GRIN2B: variants seen among roughly 807,000 people sequenced by gnomAD.
The protein encoded by GRIN2B is glutamate ionotropic receptor NMDA type subunit 2B.
GRIN2B carries 5 observed loss-of-function variants against 114.5 expected under a neutral mutation model. The observed-to-expected ratio is 0.04, with a 90% CI of 0.02 to 0.09. The LOEUF is 0.09. Ranked by LOEUF, GRIN2B falls within the 10% of genes least tolerant of loss-of-function variation. The pLI, the probability that GRIN2B is intolerant of heterozygous loss-of-function variation, is 1.00. For synonymous variants in GRIN2B, 787 were observed against 745.1 expected (o/e 1.06, Z -0.92); for missense variants, 1,108 against 1,943.5 (o/e 0.57, Z 8.08).
rs536838974 is a variant in GRIN2B at position 13,590,581 on chromosome 12, AT to A, written c.2010+18021del. ...ATGTCCCTGCAAAGGACATGAACTC[AT>A]TTTTTTTATGGCTGCATAGTATTCC... On this transcript the variant is annotated intron_variant, in intron 10 of 13. Coordinates refer to ENST00000609686, the MANE Select transcript of GRIN2B (RefSeq NM_000834.5). Among the ~76,000 whole-genome samples the A allele has an allele frequency of 2.1e-4, 32 of 151,950 alleles. No homozygotes were observed. In the Middle Eastern group the frequency reaches 0.01, roughly 48 times the overall value.
chr12:13,804,418 A>T (rs1421306212), intron 3 of GRIN2B, among the ~76,000 whole-genome samples: 2 of 152,058 alleles, frequency 1.3e-5, no homozygotes, highest in African/African-American at 4.8e-5. Context: ...GTTCACTATG[A>T]TCAACCCCAT....
chr12:13,931,593 G>A (rs565726711), intron 2 of GRIN2B, among the ~76,000 whole-genome samples: 248 of 150,036 alleles, frequency 1.7e-3, no homozygotes, highest in Middle Eastern at 3.4e-3. Flanking sequence ...CAGCTCCCAA[G>A]CTGATATGTC....
intron 2 of GRIN2B, among the ~76,000 whole-genome samples, chr12:13,867,345 A>G (rs1297875135): frequency 6.6e-6 from 1 of 152,188 alleles, no homozygotes; most frequent in African/African-American, 2.4e-5. Flanking sequence ...GCTCTATAGA[A>G]TATAAGCCTT....
intron 3 of GRIN2B, among the ~76,000 whole-genome samples, chr12:13,766,905 G>T (rs1863801281): frequency 6.6e-6 from 1 of 152,064 alleles, no homozygotes; most frequent in Non-Finnish European, 1.5e-5. Flanking sequence ...TGATTTCAGC[G>T]TTCCTACCGT....
intron 3 of GRIN2B, among the ~76,000 whole-genome samples, chr12:13,804,158 T>TC (rs1491528847): frequency 5.5e-5 from 3 of 54,298 alleles, no homozygotes; most frequent in East Asian, 8.3e-4. Flanking sequence ...TGCAGCTCTC[T>TC]TTTTTTTTTT....
At chr12:13,953,341 C>T (rs219929) in intron 2 of GRIN2B, among the ~76,000 whole-genome samples, 148,214 of 152,204 alleles carry the variant, frequency 0.97, 72,288 homozygotes, top group East Asian at 1. Flanking sequence ...GGGGCTGGAC[C>T]CTCCACACCA....
intron 3 of GRIN2B, among the ~76,000 whole-genome samples, chr12:13,838,003 A>G (rs556911285): frequency 7.2e-4 from 109 of 152,296 alleles, no homozygotes; most frequent in African/African-American, 2.6e-3. Flanking sequence ...TTTGACTGCA[A>G]TTTTGCTTTT....
chr12:13,865,634 AAG>A (rs144378043), intron 3 of GRIN2B, among the ~76,000 whole-genome samples, 162 bp downstream of exon 3: 4,100 of 152,092 alleles, frequency 0.027, 76 homozygotes, highest in Middle Eastern at 0.065. Flanking sequence ...CTCTGTCTCA[AAG>A]AGAGAGAGAG....
chr12:13,848,008 C>T (rs576365716), intron 3 of GRIN2B, among the ~76,000 whole-genome samples: 24 of 152,210 alleles, frequency 1.6e-4, no homozygotes, highest in African/African-American at 5.3e-4. Context: ...CAGGTATGGA[C>T]AGTCCCCTGC....
At chr12:13,854,236 A>G (rs1333479064) in intron 3 of GRIN2B, among the ~76,000 whole-genome samples, 6 of 152,116 alleles carry the variant, frequency 3.9e-5, no homozygotes, top group Non-Finnish European at 8.8e-5. Context: ...AGCATGCCAG[A>G]AGCAGTGGCT....
intron 2 of GRIN2B, among the ~76,000 whole-genome samples, chr12:13,889,498 T>G (rs1161157855): frequency 3.9e-5 from 6 of 152,170 alleles, no homozygotes. Context: ...TTTTATAACC[T>G]TTACCTAATT....
At chr12:13,674,977 T>C (rs964493542) in intron 5 of GRIN2B, among the ~76,000 whole-genome samples, 2 of 152,120 alleles carry the variant, frequency 1.3e-5, no homozygotes, top group Admixed American at 6.5e-5. Flanking sequence ...CTGCAGAACA[T>C]ATTTGGAGAA....
intron 3 of GRIN2B, among the ~76,000 whole-genome samples, chr12:13,787,845 T>G (rs946495174): frequency 6.6e-6 from 1 of 152,208 alleles, no homozygotes; most frequent in Non-Finnish European, 1.5e-5. Flanking sequence ...TTCCAAAAAT[T>G]CATCCTTAAG....
At chr12:13,617,009 G>A (rs7298633) in intron 5 of GRIN2B, among the ~76,000 whole-genome samples, 146,200 of 152,298 alleles carry the variant, frequency 0.96, 70,434 homozygotes, top group East Asian at 1. Context: ...ATCTTGCAGC[G>A]CTGTGTAGTA....
chr12:13,898,298 T>C (rs1429574189), intron 2 of GRIN2B, among the ~76,000 whole-genome samples: 3 of 152,206 alleles, frequency 2.0e-5, no homozygotes, highest in East Asian at 1.9e-4. Context: ...ATGTCATTTA[T>C]TGAGTATTTA....
At position 13,563,806 on chromosome 12, in the gene GRIN2B, G is replaced by C. The variant is rs1399260360; in HGVS notation, c.3432C>G (p.Pro1144=). 6.2e-6 allele frequency: 10 copies of C among 1,614,104 alleles called. No individual in the cohort carries two copies. Among genetic ancestry groups the C allele is most frequent in the Non-Finnish European group, 8.5e-6 (10 of 1,180,012 alleles). Residue 1144 remains proline, a synonymous_variant, in exon 14 of 14, where the codon CCC becomes CCG. Coordinates refer to ENST00000609686, the MANE Select transcript of GRIN2B (RefSeq NM_000834.5). ...LDQFRTKENS[P]HWEHVDLTDI... ...CGGTCAGGTCTACGTGCTCCCAGTG[G>C]GGTGAGTTCTCCTTTGTTCGGAACT...
chr12:13,772,905 CA>C (rs1863932657), intron 3 of GRIN2B, among the ~76,000 whole-genome samples: 2 of 152,174 alleles, frequency 1.3e-5, no homozygotes, highest in South Asian at 4.1e-4. Context: ...TCTCATTTAA[CA>C]AAGTCTCAGC....
intron 2 of GRIN2B, among the ~76,000 whole-genome samples, chr12:13,948,347 C>A (rs1477632667): frequency 2.0e-5 from 3 of 152,152 alleles, no homozygotes; most frequent in Non-Finnish European, 2.9e-5. Context: ...GAACAACAAA[C>A]CTTTGTTAGC....
chr12:13,603,734 G>C (rs1200937683), intron 10 of GRIN2B, among the ~76,000 whole-genome samples: 1 of 152,060 alleles, frequency 6.6e-6, no homozygotes, highest in East Asian at 1.9e-4. Flanking sequence ...ATAGGAAAGT[G>C]GGGGCAGGGG....
Sources: gnomAD v4.1 joint callset for allele counts (sites outside exome capture counted in the v4.1 genomes callset) on GRCh38, gnomAD v4.1.1 for gene constraint, MANE v1.5 for transcripts, NCBI Gene and HGNC (gene_info 2026-07-23, HGNC 2026-07-21) for gene names.